Variants in EPC1 observed in about 807,000 individuals in gnomAD.
EPC1 encodes the protein enhancer of polycomb 1.
EPC1 carries 12 observed loss-of-function variants against 98.4 expected under a neutral mutation model. The ratio of observed to expected loss-of-function variants is 0.12; its 90% CI spans 0.08 to 0.20. EPC1 has a LOEUF of 0.20. Ranked by LOEUF, EPC1 falls within the 10% of genes least tolerant of loss-of-function variation. The pLI, the probability that EPC1 is intolerant of heterozygous loss-of-function variation, is 1.00. For synonymous variants in EPC1, 357 were observed against 363.9 expected (o/e 0.98, Z 0.21); for missense variants, 729 against 990.5 (o/e 0.74, Z 3.54).
At chr10:32,343,177 TAC>T (rs1455600399) in intron 1 of EPC1, among the ~76,000 whole-genome samples, 1 of 152,168 alleles carries the variant, frequency 6.6e-6, no homozygotes, top group Non-Finnish European at 1.5e-5. Flanking sequence ...CTTCATTAAA[TAC>T]ATTGTTTTCA....
intron 1 of EPC1, among the ~76,000 whole-genome samples, chr10:32,339,187 A>G (rs547919199): frequency 5.4e-4 from 82 of 152,266 alleles, no homozygotes; most frequent in African/African-American, 1.9e-3. Flanking sequence ...TTTAATGACT[A>G]TTCTCTAAAC....
intron 1 of EPC1, among the ~76,000 whole-genome samples, chr10:32,307,881 C>T (rs901013314): frequency 6.6e-6 from 1 of 152,140 alleles, no homozygotes; most frequent in Admixed American, 6.5e-5. Context: ...GCTTTTTGTT[C>T]CCAGCTCACA....
chr10:32,339,225 A>G (rs1412206757), intron 1 of EPC1, among the ~76,000 whole-genome samples: 3 of 152,214 alleles, frequency 2.0e-5, no homozygotes, highest in Non-Finnish European at 4.4e-5. Flanking sequence ...AAACAGATTT[A>G]AATATAATGG....
At chr10:32,273,451 C>T (rs563952711) in intron 10 of EPC1, among the ~76,000 whole-genome samples, 170 bp from the exon 11 acceptor site, 1 of 152,180 alleles carries the variant, frequency 6.6e-6, no homozygotes, top group African/African-American at 2.4e-5. Flanking sequence ...GTTTCTGCTA[C>T]CACATTTAAC....
intron 9 of EPC1, chr10:32,286,386 A>G: frequency 2.8e-6 from 1 of 359,096 alleles, no homozygotes; most frequent in Non-Finnish European, 5.1e-6. Flanking sequence ...CACTGTGTGC[A>G]ATCAGGATTT....
chr10:32,305,725 A>C (rs73245687), intron 2 of EPC1, 47 bp downstream of exon 2: 1 of 1,470,258 alleles, frequency 6.8e-7, no homozygotes, highest in African/African-American at 1.4e-5. Flanking sequence ...AAGTTACATA[A>C]TAAGAGAAAT....
intron 1 of EPC1, among the ~76,000 whole-genome samples, chr10:32,366,295 A>G (rs1183495856): frequency 6.6e-6 from 1 of 152,228 alleles, no homozygotes; most frequent in Non-Finnish European, 1.5e-5. Context: ...AATATAAAAG[A>G]AAATGTTGCT....
At chr10:32,374,558 G>A (rs759423057) in intron 1 of EPC1, 1 of 152,066 alleles carries the variant, frequency 6.6e-6, no homozygotes, top group African/African-American at 2.4e-5. Context: ...AAGCTTAAGG[G>A]CTACATCCTC....
rs1348187642 is a variant in EPC1, at chr10:32,364,001, CATTTT to C, written c.3+14485_3+14489del. On this transcript the variant is annotated intron_variant, in intron 1 of 13. Transcript: ENST00000375110. ...AATAGTATCGTGTCCATCATGTTGGCATTTTTTTTTTTTTTTTTTTTTTTTTTTTT... is the reference window on the plus strand; with the variant it reads ...AATAGTATCGTGTCCATCATGTTGGCTTTTTTTTTTTTTTTTTTTTTTTTT... Among the ~76,000 whole-genome samples the C allele has an allele frequency of 1.2e-3, 73 of 61,840 alleles. 5 individuals carry two copies. The highest frequency in any genetic ancestry group is 2.6e-3 in the South Asian group (4 of 1,548). 40.6% of individuals were successfully genotyped at this position (61,840 alleles called of 152,430 possible).
chr10:32,344,188 C>G (rs551131155), intron 1 of EPC1, among the ~76,000 whole-genome samples: 1 of 152,278 alleles, frequency 6.6e-6, no homozygotes, highest in Non-Finnish European at 1.5e-5. Flanking sequence ...GTTTAATATA[C>G]CTTTTCAACA....
rs34674243 is a variant in EPC1, at chr10:32,360,894, C to CAA, written c.3+17595_3+17596dup. On this transcript the variant is annotated intron_variant, in intron 1 of 13. Coordinates refer to the EPC1 transcript ENST00000375110. ...GGGCGACAGAGTGAAACTCCATCTC[C>CAA]AAAAAAAAAAAAAAGTATAGACAAT... is the stretch of plus-strand genomic sequence containing the variant. Among the ~76,000 whole-genome samples the CAA allele has an allele frequency of 5.9e-3, 840 of 142,718 alleles. 3 individuals are homozygous for CAA. The highest frequency in any genetic ancestry group is 0.015 in the African/African-American group (579 of 38,564). The allele number at this position is 142,718 out of a possible 152,430, so 93.6% of individuals were successfully genotyped here. A position where few individuals can be genotyped will look rare whatever the true frequency, so the allele number is the denominator to read the frequency against.
chr10:32,306,015 C>A (rs1835857260), intron 1 of EPC1, 84 bp from the exon 2 acceptor site: 2 of 1,236,640 alleles, frequency 1.6e-6, no homozygotes, highest in Non-Finnish European at 2.2e-6. Context: ...TTTTTTGGCT[C>A]ATTTGTTTTT....
chr10:32,290,505 A>AAAGAAAGAAAG (rs1554819135), intron 6 of EPC1, among the ~76,000 whole-genome samples: 11 of 77,528 alleles, frequency 1.4e-4, no homozygotes, highest in South Asian at 8.9e-4. Context: ...AAAAAAAAAA[A>AAAGAAAGAAAG]AAAGAAAGAA....
At position 32,293,647 on chromosome 10, in the gene EPC1, C is replaced by A. The variant is rs766910390; in HGVS notation, c.404G>T (p.Cys135Phe). 6.2e-7 allele frequency: 1 copy of A among 1,613,718 alleles called. No individual in the cohort carries two copies. Among genetic ancestry groups the A allele is most frequent in the East Asian group, 2.2e-5 (1 of 44,872 alleles). ...VNKLKKKMDI[C>F]PLQFEEMIDR... The stretch of plus-strand genomic sequence containing the variant: ...AATCATCTCCTCAAATTGCAATGGG[C>A]AGATGTCCATTTTCTTTTTCAGTTT... The change falls in exon 3 of 14, where the codon TGC (cysteine) becomes TTC (phenylalanine). Residue 135 changes from cysteine to phenylalanine, a missense_variant. Coordinates refer to ENST00000319778, the MANE Select transcript of EPC1 (RefSeq NM_001272004.3).
intron 1 of EPC1, among the ~76,000 whole-genome samples, chr10:32,316,399 G>A (rs529645886): frequency 6.6e-6 from 1 of 152,216 alleles, no homozygotes; most frequent in African/African-American, 2.4e-5. Flanking sequence ...TTCATAATGG[G>A]CCCAAACTGG....
At chr10:32,331,114 A>G (rs1837616190) in intron 1 of EPC1, among the ~76,000 whole-genome samples, 1 of 152,192 alleles carries the variant, frequency 6.6e-6, no homozygotes, top group African/African-American at 2.4e-5. Context: ...TTGCATTACA[A>G]AGAAACATTC....
intron 10 of EPC1, among the ~76,000 whole-genome samples, chr10:32,278,087 A>AC (rs1211665869): frequency 6.6e-6 from 1 of 150,572 alleles, no homozygotes; most frequent in Admixed American, 6.6e-5. Context: ...CAAAATGTAC[A>AC]CTTTTTTTTT....
chr10:32,325,866 T>C (rs2132938424), intron 1 of EPC1, among the ~76,000 whole-genome samples: 1 of 152,292 alleles, frequency 6.6e-6, no homozygotes. Flanking sequence ...ACAACACTTG[T>C]ACTTAATTAG....
chr10:32,288,711 T>C (rs1239126175), intron 6 of EPC1, among the ~76,000 whole-genome samples: 1 of 151,950 alleles, frequency 6.6e-6, no homozygotes, highest in African/African-American at 2.4e-5. Flanking sequence ...GGATAATTAA[T>C]CTTAAAATAT....
Sources: gnomAD v4.1 joint callset for allele counts (sites outside exome capture counted in the v4.1 genomes callset) on GRCh38, gnomAD v4.1.1 for gene constraint, MANE v1.5 for transcripts, NCBI Gene and HGNC (gene_info 2026-07-23, HGNC 2026-07-21) for gene names.